ZNF76: variants seen among roughly 807,000 people sequenced by gnomAD.
ZNF76 encodes the protein zinc finger protein 523.
In ZNF76, 66 loss-of-function variants were observed where a neutral mutation model predicts 66.9. That is an observed-to-expected ratio of 0.99 (90% CI 0.81 to 1.21). The LOEUF (loss-of-function observed/expected upper bound fraction) is 1.21, where lower values mean the gene tolerates loss of function less well. ZNF76 is among the 50% of genes most tolerant of loss of function. ZNF76 has a pLI of 0.00. For synonymous variants in ZNF76, 275 were observed against 296.1 expected (o/e 0.93, Z 0.73); for missense variants, 729 against 760.3 (o/e 0.96, Z 0.48).
chr6:35,286,915 G>A (rs150303145), intron 4 of ZNF76: 1 of 178,310 alleles, frequency 5.6e-6, no homozygotes, highest in Non-Finnish European at 1.2e-5. Flanking sequence ...CAAGCCATCA[G>A]TGATGAACTG....
At position 35,292,876 on chromosome 6, in the gene ZNF76, C is replaced by G. The variant is rs779414648; in HGVS notation, c.1166-5C>G. 1 of 1,614,090 alleles carries G rather than the reference C, an allele frequency of 6.2e-7. No homozygotes were observed. The highest frequency in any genetic ancestry group is 2.2e-5 in the East Asian group (1 of 44,888). The stretch of plus-strand genomic sequence containing the variant: ...CAGATGTCAGCCTTGGCTCTCCTCT[C>G]CCAGCCGCCTCTGCAGCCGAGGAGA... On this transcript the variant is annotated splice_region_variant and splice_polypyrimidine_tract_variant and intron_variant, in intron 10 of 13. Coordinates refer to ENST00000373953, the MANE Select transcript of ZNF76 (RefSeq NM_003427.5). The surrounding 1 kb of genome is among the most constrained non-coding windows in gnomAD (Gnocchi z 4.7).
chr6:35,290,497 A>C, intron 6 of ZNF76, 115 bp downstream of exon 6: 1 of 1,535,844 alleles, frequency 6.5e-7, no homozygotes, highest in Non-Finnish European at 8.9e-7. Context: ...GAGGGAAGAA[A>C]TGAGGGTACA....
intron 2 of ZNF76, among the ~76,000 whole-genome samples, chr6:35,283,665 C>T (rs1316936436): frequency 6.6e-6 from 1 of 152,180 alleles, no homozygotes; most frequent in Middle Eastern, 3.2e-3. Context: ...CTTCAGACAA[C>T]TCTTCTCAAC....
chr6:35,292,323 C>T lies in ZNF76; in HGVS notation c.932-231C>T. ...CCCCTTCACTAGCCCCAGCCTTGCC[C>T]TGTCCCCCGTTTCCTTTCCGCCTTG... On this transcript the variant is annotated intron_variant, in intron 9 of 13. Transcript: ENST00000373953. This position sits in a 1 kb window ranked among gnomAD's most constrained non-coding sequence, Gnocchi z 4.7. 2 of 583,666 alleles carry T rather than the reference C, an allele frequency of 3.4e-6. No individual in the cohort carries two copies. Among genetic ancestry groups the T allele is most frequent in the Non-Finnish European group, 6.2e-6 (2 of 323,640 alleles). 36.2% of individuals were successfully genotyped at this position (583,666 alleles called of 1,614,324 possible).
intron 2 of ZNF76, among the ~76,000 whole-genome samples, chr6:35,285,094 A>G (rs1789359987): frequency 6.6e-6 from 1 of 152,202 alleles, no homozygotes; most frequent in East Asian, 1.9e-4. Flanking sequence ...GGACACAAGG[A>G]AGGGTCGTCT....
At chr6:35,263,042 A>G (rs947749931) in intron 1 of ZNF76, among the ~76,000 whole-genome samples, 1 of 150,928 alleles carries the variant, frequency 6.6e-6, no homozygotes, top group African/African-American at 2.4e-5. Flanking sequence ...TTCTTCCTCC[A>G]CTCTCTTGTG....
At position 35,292,190 on chromosome 6, in the gene ZNF76, T is replaced by G; in HGVS notation, c.932-364T>G. 2.4e-6 allele frequency: 1 copy of G among 417,192 alleles called. No individual in the cohort carries two copies. Among genetic ancestry groups the G allele is most frequent in the Non-Finnish European group, 4.5e-6 (1 of 221,906 alleles). The allele number at this position is 417,192 out of a possible 1,614,324, so 25.8% of individuals were successfully genotyped here. A position where few individuals can be genotyped will look rare whatever the true frequency, so the allele number is the denominator to read the frequency against. Reference sequence around the variant, plus strand: ...GTTGTGTCTCAGCATGTGTGTCCCCTCTTTCCCATCACAACTGATACTTCA... The same window carrying G: ...GTTGTGTCTCAGCATGTGTGTCCCCGCTTTCCCATCACAACTGATACTTCA... On this transcript the variant is annotated intron_variant, in intron 9 of 13. Transcript: ENST00000373953. The surrounding 1 kb of genome is among the most constrained non-coding windows in gnomAD (Gnocchi z 4.7).
In ZNF76 at chr6:35,291,557, G is replaced by C. The variant is rs748776866; in HGVS notation, c.752-1G>C. 1 of 1,612,402 alleles carries C rather than the reference G, an allele frequency of 6.2e-7. No homozygotes were observed. The highest frequency in any genetic ancestry group is 8.5e-7 in the Non-Finnish European group (1 of 1,178,614). On this transcript the variant is annotated splice_acceptor_variant, in intron 8 of 13. Coordinates refer to ENST00000373953, the MANE Select transcript of ZNF76 (RefSeq NM_003427.5). LOFTEE classifies it high-confidence loss of function. ...CTCCTCACATCCCACCATTTGCATAGGTGAACGCCCGTTCCAGTGCCCTTT... is the reference window on the plus strand; with the variant it reads ...CTCCTCACATCCCACCATTTGCATACGTGAACGCCCGTTCCAGTGCCCTTT...
chr6:35,280,066 A>G (rs1224757527), intron 1 of ZNF76, among the ~76,000 whole-genome samples: 1 of 151,160 alleles, frequency 6.6e-6, no homozygotes, highest in Non-Finnish European at 1.5e-5. Context: ...CCTAGCCTCA[A>G]ATAATCCTCC....
intron 1 of ZNF76, among the ~76,000 whole-genome samples, chr6:35,269,949 G>T (rs1443905133): frequency 6.6e-6 from 1 of 152,046 alleles, no homozygotes; most frequent in Admixed American, 6.6e-5. Flanking sequence ...CTCAGTTTTC[G>T]GATGTGCTTT....
chr6:35,293,901 A>G lies in ZNF76; in HGVS notation c.1480A>G (p.Thr494Ala). 1 of 1,613,954 alleles carries G rather than the reference A, an allele frequency of 6.2e-7. No individual in the cohort carries two copies. The highest frequency in any genetic ancestry group is 8.5e-7 in the Non-Finnish European group (1 of 1,179,960). ...HTVTMVSADG[T>A]QTQPVTIITS... ...AGTCACCATGGTCAGCGCCGATGGC[A>G]CCCAGACGCAGCCCGTATGACCAGG... The change falls in exon 12 of 14, where the codon ACC (threonine) becomes GCC (alanine). Residue 494 changes from threonine to alanine, a missense_variant. Physicochemically the swap from Thr to Ala is moderately conservative, Grantham distance 58. Coordinates refer to ENST00000373953, the MANE Select transcript of ZNF76 (RefSeq NM_003427.5).
At chr6:35,264,607 G>A (rs1277010462) in intron 1 of ZNF76, among the ~76,000 whole-genome samples, 1 of 152,204 alleles carries the variant, frequency 6.6e-6, no homozygotes, top group Non-Finnish European at 1.5e-5. Flanking sequence ...GGCAGGGGCA[G>A]CTAGGTGAAC....
intron 1 of ZNF76, among the ~76,000 whole-genome samples, chr6:35,260,570 G>A (rs1336394235): frequency 2.0e-5 from 3 of 152,134 alleles, no homozygotes; most frequent in African/African-American, 7.2e-5. Flanking sequence ...TGCTAAGGAG[G>A]ATATAGAGAT....
chr6:35,261,722 G>T (rs2150332203), intron 1 of ZNF76, among the ~76,000 whole-genome samples: 1 of 152,192 alleles, frequency 6.6e-6, no homozygotes, highest in Non-Finnish European at 1.5e-5. Context: ...TGATCCCTAA[G>T]GTTTCTGTTC....
intron 1 of ZNF76, among the ~76,000 whole-genome samples, chr6:35,278,246 G>A (rs182516910): frequency 2.6e-5 from 4 of 152,110 alleles, no homozygotes; most frequent in Non-Finnish European, 5.9e-5. Context: ...TCGGCTCACC[G>A]CAACCTCTGC....
intron 1 of ZNF76, among the ~76,000 whole-genome samples, chr6:35,277,230 A>G (rs1384597440): frequency 6.6e-6 from 1 of 152,220 alleles, no homozygotes; most frequent in Non-Finnish European, 1.5e-5. Context: ...AAGAGAGGCC[A>G]GGAGCAGAGC....
chr6:35,268,638 A>G (rs890822183), intron 1 of ZNF76, among the ~76,000 whole-genome samples: 2 of 152,080 alleles, frequency 1.3e-5, no homozygotes, highest in East Asian at 3.9e-4. Context: ...CATCTCTACT[A>G]AAAATACAAA....
At chr6:35,269,635 T>C (rs1786717707) in intron 1 of ZNF76, among the ~76,000 whole-genome samples, 1 of 152,198 alleles carries the variant, frequency 6.6e-6, no homozygotes, top group Admixed American at 6.5e-5. Context: ...TCTTTGAGGT[T>C]GTAGAACTGA....
Position 35,290,625 on chromosome 6 carries a change from T to G in ZNF76, c.550-16T>G. ...ACCCTTGCTCCTCTGAATTATGTGA[T>G]TGCTTGTCCTCACAGGTGCATGAAC... is the stretch of plus-strand genomic sequence containing the variant. On this transcript the variant is annotated splice_polypyrimidine_tract_variant and intron_variant, in intron 6 of 13. Coordinates refer to ENST00000373953, the MANE Select transcript of ZNF76 (RefSeq NM_003427.5). 1 of 1,613,984 alleles carries G rather than the reference T, an allele frequency of 6.2e-7. No homozygotes were observed. Among genetic ancestry groups the G allele is most frequent in the Non-Finnish European group, 8.5e-7 (1 of 1,179,854 alleles).
Sources: allele counts gnomAD v4.1 joint callset (sites outside exome capture counted in the v4.1 genomes callset), GRCh38; gene constraint gnomAD v4.1.1; non-coding constraint Gnocchi (gnomAD v3.1); transcripts MANE v1.5; gene names NCBI Gene and HGNC (gene_info 2026-07-23, HGNC 2026-07-21).